ADAMTS5: variants seen among roughly 807,000 people sequenced by gnomAD.
The protein encoded by ADAMTS5 is ADAM metallopeptidase with thrombospondin type 1 motif 5, also known as A disintegrin and metalloproteinase with thrombospondin motifs 5.
A neutral mutation model predicts 81.4 loss-of-function variants in ADAMTS5; 54 were observed. The ratio of observed to expected loss-of-function variants is 0.66; its 90% CI spans 0.53 to 0.83. ADAMTS5 has a LOEUF of 0.83. ADAMTS5 is among the 40% of genes least tolerant of loss of function. ADAMTS5 has a pLI of 0.00. For missense variants in ADAMTS5, 1,194 were observed against 1,229.9 expected, an observed-to-expected ratio of 0.97 and a Z score of 0.44; for synonymous variants, 532 against 508.8, an observed-to-expected ratio of 1.05 and a Z score of -0.61.
Position 26,942,324 on chromosome 21 carries a change from T to C in ADAMTS5, c.1405+1056A>G, listed in dbSNP as rs1987130334. Among the ~76,000 whole-genome samples the C allele has an allele frequency of 2.0e-5, 3 of 152,178 alleles. 1 individual carries two copies. The South Asian group carries it at 6.2e-4, about 32-fold the overall frequency. On this transcript the variant is annotated intron_variant, in intron 3 of 7. Transcript: ENST00000284987. ...ATTATGGGACATTGAGTCATAAACT[T>C]TGTGGAACTGGGAAAAAGACGGTTG... is the stretch of plus-strand genomic sequence containing the variant.
intron 7 of ADAMTS5, among the ~76,000 whole-genome samples, chr21:26,927,116 T>C (rs759648967): frequency 6.6e-6 from 1 of 152,172 alleles, no homozygotes; most frequent in Non-Finnish European, 1.5e-5. Flanking sequence ...CATAAGTGAA[T>C]GCAATTTTCA....
At chr21:26,949,043 CA>C (rs1987268043) in intron 2 of ADAMTS5, among the ~76,000 whole-genome samples, 1 of 151,888 alleles carries the variant, frequency 6.6e-6, no homozygotes, top group Admixed American at 6.6e-5. Flanking sequence ...TGACATATAT[CA>C]AAGGACCAGT....
rs2123200599 is a variant in ADAMTS5, at chr21:26,954,842, GGT to G, written c.1132_1133del (p.Thr378ProfsTer20). ...EDLCGHHSCD[T>X]LGMADVGTIC... ...TGGTCCCAACGTCTGCCATTCCCAGGGTGTCACATGAATGATGCCCACATAAA... is the reference window on the plus strand; with the variant it reads ...TGGTCCCAACGTCTGCCATTCCCAGGGTCACATGAATGATGCCCACATAAA... On this transcript the variant is annotated frameshift_variant, in exon 2 of 8. Coordinates refer to ENST00000284987, the MANE Select transcript of ADAMTS5 (RefSeq NM_007038.5). LOFTEE classifies it high-confidence loss of function. 6.2e-7 allele frequency: 1 copy of G among 1,613,904 alleles called. No individual in the cohort carries two copies. Among genetic ancestry groups the G allele is most frequent in the Non-Finnish European group, 8.5e-7 (1 of 1,179,950 alleles).
At position 26,929,910 on chromosome 21, in the gene ADAMTS5, A is replaced by G. The variant is rs755921171; in HGVS notation, c.2201T>C (p.Ile734Thr). The change falls in exon 7 of 8, where the codon ATT (isoleucine) becomes ACT (threonine). Residue 734 changes from isoleucine to threonine, a missense_variant. Physicochemically the swap from Ile to Thr is moderately conservative, Grantham distance 89. Transcript: ENST00000284987. ...CGGDNSSCTK[I>T]VGTFNKKSKG... is the part of the protein sequence containing the mutation. ...CCTTTTCTTATTAAAGGTTCCAACA[A>G]TCTTTGTACAGCTGGAGTTGTCTCC... is the stretch of plus-strand genomic sequence containing the variant. The G allele has an allele frequency of 2.7e-5, 44 of 1,614,046 alleles. No individual in the cohort carries two copies. Among genetic ancestry groups the G allele is most frequent in the Non-Finnish European group, 3.6e-5 (43 of 1,179,928 alleles).
intron 1 of ADAMTS5, among the ~76,000 whole-genome samples, chr21:26,957,805 T>C (rs1987457075): frequency 6.6e-6 from 1 of 152,198 alleles, no homozygotes; most frequent in Non-Finnish European, 1.5e-5. Flanking sequence ...AGAAGTGTAT[T>C]CATGGTGGTC....
chr21:26,943,665 T>C (rs1386615186), intron 2 of ADAMTS5, 118 bp from the exon 3 acceptor site: 3 of 911,392 alleles, frequency 3.3e-6, no homozygotes, highest in Non-Finnish European at 4.9e-6. Context: ...TCACTTTAAC[T>C]GCTTTCTCAC....
intron 4 of ADAMTS5, 148 bp from the exon 5 acceptor site, chr21:26,933,192 T>A (rs1193303439): frequency 3.4e-6 from 3 of 876,912 alleles, no homozygotes; most frequent in Non-Finnish European, 5.1e-6. Context: ...GATCATGCTT[T>A]GGAAATGCAA....
intron 1 of ADAMTS5, among the ~76,000 whole-genome samples, chr21:26,959,102 G>C (rs11911616): frequency 0.017 from 2,622 of 152,298 alleles, 83 homozygotes; most frequent in African/African-American, 0.06. Context: ...TGTGAGGTAA[G>C]AAGGGGAAGA....
chr21:26,955,504 T>C (rs1032574697), intron 1 of ADAMTS5, among the ~76,000 whole-genome samples: 4 of 152,216 alleles, frequency 2.6e-5, no homozygotes, highest in African/African-American at 7.2e-5. Flanking sequence ...ATTAATTGTG[T>C]ATACATGAAT....
rs760878850 is a variant in ADAMTS5 at position 26,965,884 on chromosome 21, G to C, written c.508C>G (p.Arg170Gly). The C allele has an allele frequency of 6.8e-6, 11 of 1,613,752 alleles. No homozygotes were observed. Among genetic ancestry groups the C allele is most frequent in the Non-Finnish European group, 7.6e-6 (9 of 1,179,926 alleles). The change falls in exon 1 of 8, where the codon CGC (arginine) becomes GGC (glycine). Residue 170 changes from arginine to glycine, a missense_variant. By Grantham distance (125) the Arg-to-Gly change is moderately radical. Coordinates refer to ENST00000284987, the MANE Select transcript of ADAMTS5 (RefSeq NM_007038.5). ...HARYTLKPLL[R>G]GPWAEEEKGR... ...TTTTCTTCCTCCGCCCAGGGTCCGCGCAGCAGTGGCTTTAGGGTGTAGCGC... is the reference window on the plus strand; with the variant it reads ...TTTTCTTCCTCCGCCCAGGGTCCGCCCAGCAGTGGCTTTAGGGTGTAGCGC...
chr21:26,951,194 T>C (rs1987309669), intron 2 of ADAMTS5, among the ~76,000 whole-genome samples: 1 of 152,178 alleles, frequency 6.6e-6, no homozygotes, highest in Non-Finnish European at 1.5e-5. Flanking sequence ...CACGAGAACC[T>C]GTAAGTAGGT....
At position 26,922,304 on chromosome 21, in the gene ADAMTS5, C is replaced by T. The variant is rs963856046; in HGVS notation, c.*1749G>A. ...TAAGAAAATACTGAAAACAGCAAGA[C>T]ATCTATTTTCCTGGCCCACTGAAAT... On this transcript the variant is annotated 3_prime_UTR_variant, in exon 8 of 8. Transcript: ENST00000284987. 5.9e-5 allele frequency: 9 copies of T among 152,044 alleles called. No individual in the cohort carries two copies. The highest frequency in any genetic ancestry group is 2.2e-4 in the African/African-American group (9 of 41,432). 9.4% of individuals were successfully genotyped at this position (152,044 alleles called of 1,614,324 possible). A position where few individuals can be genotyped will look rare whatever the true frequency, so the allele number is the denominator to read the frequency against.
intron 7 of ADAMTS5, among the ~76,000 whole-genome samples, chr21:26,927,364 T>G (rs1986823117): frequency 6.6e-6 from 1 of 151,718 alleles, no homozygotes; most frequent in Non-Finnish European, 1.5e-5. Context: ...GTGGTGGGAG[T>G]GGAGGAGATG....
chr21:26,941,051 G>A (rs1383405955), intron 3 of ADAMTS5, among the ~76,000 whole-genome samples: 6 of 152,006 alleles, frequency 3.9e-5, no homozygotes, highest in Non-Finnish European at 7.4e-5. Flanking sequence ...CTTTGTCATT[G>A]TGCCACACTG....
In ADAMTS5 at chr21:26,965,529, T is replaced by C. The variant is rs776724316; in HGVS notation, c.863A>G (p.Gln288Arg). The change falls in exon 1 of 8, where the codon CAG (glutamine) becomes CGG (arginine). Residue 288 changes from glutamine (Q) to arginine (R), a missense_variant. By Grantham distance (43) the Gln-to-Arg change is conservative (BLOSUM62 1). Coordinates refer to ENST00000284987, the MANE Select transcript of ADAMTS5 (RefSeq NM_007038.5). ...GGAGGCCAGGGTCAGCAGGTAATGC[T>C]GCAGGCCCCGGCCATACAACCGCGC... ...SMARLYGRGLQHYLLTLASIA... is the reference protein window; with the variant it reads ...SMARLYGRGLRHYLLTLASIA... 97 of 1,613,726 alleles carry C rather than the reference T, an allele frequency of 6.0e-5. No individual in the cohort carries two copies. Among genetic ancestry groups the C allele is most frequent in the Non-Finnish European group, 8.0e-5 (94 of 1,179,826 alleles).
chr21:26,958,081 T>A (rs189834879), intron 1 of ADAMTS5, among the ~76,000 whole-genome samples: 8 of 151,960 alleles, frequency 5.3e-5, no homozygotes, highest in Non-Finnish European at 7.4e-5. Context: ...GTGGTGAAAA[T>A]GAACCAGTCA....
chr21:26,954,681 C>T lies in ADAMTS5; in HGVS notation c.1237+58G>A. ...AATTAATTGCTAAGTATTTTGGTTC[C>T]TGTTGCAGCTGTTACAAGTGTTTGA... On this transcript the variant is annotated intron_variant, in intron 2 of 7. Coordinates refer to ENST00000284987, the MANE Select transcript of ADAMTS5 (RefSeq NM_007038.5). 8 of 1,593,822 alleles carry T rather than the reference C, an allele frequency of 5.0e-6. No homozygotes were observed. In the South Asian group the frequency reaches 8.0e-5, roughly 16 times the overall value.
intron 2 of ADAMTS5, among the ~76,000 whole-genome samples, chr21:26,945,028 C>T (rs1411273876): frequency 6.6e-6 from 1 of 151,958 alleles, no homozygotes; most frequent in East Asian, 1.9e-4. Flanking sequence ...TGGTCAGTAG[C>T]ATAAGTGTGC....
chr21:26,949,947 G>A (rs779674789), intron 2 of ADAMTS5, among the ~76,000 whole-genome samples: 4 of 152,280 alleles, frequency 2.6e-5, no homozygotes, highest in Admixed American at 6.5e-5. Flanking sequence ...AAATATGGCC[G>A]TGTTTAATCT....
Sources: gnomAD v4.1 joint callset for allele counts (sites outside exome capture counted in the v4.1 genomes callset) on GRCh38, gnomAD v4.1.1 for gene constraint, MANE v1.5 for transcripts, NCBI Gene and HGNC (gene_info 2026-07-23, HGNC 2026-07-21) for gene names.